The following CFAP263 variants were observed in gnomAD, a reference collection of about 807,000 sequenced individuals.
The protein encoded by CFAP263 is cilia and flagella associated protein 263, also known as cilia- and flagella-associated protein 263.
the CFAP263 span, chr16:58,252,737 T>C: frequency 6.2e-7 from 1 of 1,613,554 alleles, no homozygotes; most frequent in Non-Finnish European, 8.5e-7. Context: ...CTATGTAAAC[T>C]CTGCTCTCAA....
chr16:58,281,423 T>C, the CFAP263 span: 1 of 152,384 alleles, frequency 6.6e-6, no homozygotes, highest in Admixed American at 6.5e-5. Flanking sequence ...AAACACTCAA[T>C]AGAATATTAG....
At chr16:58,261,941 G>C in the CFAP263 span, among the ~76,000 whole-genome samples, 1 of 152,282 alleles carries the variant, frequency 6.6e-6, no homozygotes, top group African/African-American at 2.4e-5. Flanking sequence ...GGTTTTTCAT[G>C]TTAAAAACAA....
chr16:58,280,485 A>C, the CFAP263 span: 1 of 1,614,210 alleles, frequency 6.2e-7, no homozygotes, highest in Non-Finnish European at 8.5e-7. Flanking sequence ...AGTATGATCC[A>C]ACATGGCCCA....
the CFAP263 span, chr16:58,280,291 C>T: frequency 3.9e-4 from 629 of 1,614,082 alleles, 3 homozygotes; most frequent in African/African-American, 7.2e-3. Context: ...CTGATACAAC[C>T]TGTTCTGACC....
the CFAP263 span, among the ~76,000 whole-genome samples, chr16:58,256,733 C>T: frequency 5.3e-5 from 8 of 151,928 alleles, no homozygotes; most frequent in South Asian, 6.2e-4. Flanking sequence ...AGCCTGAGGC[C>T]GGCCAGTGAA....
chr16:58,258,294 C>T, the CFAP263 span: 7 of 1,405,592 alleles, frequency 5.0e-6, no homozygotes, highest in Non-Finnish European at 6.9e-6. Flanking sequence ...GGCCTGGGAA[C>T]TTAGGTTTTC....
At chr16:58,259,825 A>G in the CFAP263 span, 1 of 1,362,778 alleles carries the variant, frequency 7.3e-7, no homozygotes, top group South Asian at 1.2e-5. Flanking sequence ...AATGGATTAA[A>G]TGCATTAAAA....
the CFAP263 span, among the ~76,000 whole-genome samples, chr16:58,270,833 T>C: frequency 4.6e-5 from 7 of 152,190 alleles, no homozygotes; most frequent in African/African-American, 1.4e-4. Context: ...AGAAAGGAGA[T>C]GAAATATGTT....
the CFAP263 span, among the ~76,000 whole-genome samples, chr16:58,273,372 G>A: frequency 6.6e-6 from 1 of 151,196 alleles, no homozygotes; most frequent in South Asian, 2.1e-4. Flanking sequence ...AATTTTTCTT[G>A]GTTCTCTTTT....
the CFAP263 span, among the ~76,000 whole-genome samples, chr16:58,279,076 C>T: frequency 2.0e-5 from 3 of 152,030 alleles, no homozygotes; most frequent in East Asian, 1.9e-4. Flanking sequence ...TGCTTTTGAA[C>T]GAATCCCGCA....
the CFAP263 span, among the ~76,000 whole-genome samples, chr16:58,252,364 G>GTA: frequency 2.0e-5 from 3 of 150,966 alleles, no homozygotes; most frequent in Non-Finnish European, 4.4e-5. Context: ...ATATATATAT[G>GTA]TATATATATA....
At chr16:58,258,501 T>C in the CFAP263 span, 13 of 1,614,082 alleles carry the variant, frequency 8.1e-6, no homozygotes, top group South Asian at 9.9e-5. Context: ...ATGAAATACA[T>C]TGAGGACATG....
the CFAP263 span, among the ~76,000 whole-genome samples, chr16:58,254,826 C>T: frequency 3.3e-5 from 5 of 152,018 alleles, no homozygotes; most frequent in East Asian, 9.7e-4. Flanking sequence ...CCAATGGTCT[C>T]GATCTCCTGA....
the CFAP263 span, among the ~76,000 whole-genome samples, chr16:58,269,329 T>TCAAAA: frequency 4.7e-5 from 6 of 127,592 alleles, no homozygotes; most frequent in African/African-American, 1.5e-4. Flanking sequence ...AGACTCTGTC[T>TCAAAA]CAAAACAAAA....
At chr16:58,253,194 A>G in the CFAP263 span, among the ~76,000 whole-genome samples, 4 of 152,190 alleles carry the variant, frequency 2.6e-5, no homozygotes, top group Admixed American at 2.6e-4. Flanking sequence ...CCTGGGCAAT[A>G]TTGCAAGACC....
At chr16:58,279,973 T>C in the CFAP263 span, 4 of 620,462 alleles carry the variant, frequency 6.4e-6, no homozygotes, top group East Asian at 2.7e-5. Flanking sequence ...CTGTTACCAC[T>C]GAAAGAACCA....
chr16:58,260,155 C>T, the CFAP263 span, among the ~76,000 whole-genome samples: 1 of 152,126 alleles, frequency 6.6e-6, no homozygotes, highest in East Asian at 1.9e-4. Context: ...ATATAATCTC[C>T]CTCCTTATCA....
At chr16:58,269,513 A>G in the CFAP263 span, among the ~76,000 whole-genome samples, 1 of 152,324 alleles carries the variant, frequency 6.6e-6, no homozygotes, top group East Asian at 1.9e-4. Context: ...TCCAGCTCTC[A>G]GCAGCCACTA....
At chr16:58,263,932 AT>A in the CFAP263 span, among the ~76,000 whole-genome samples, 1 of 152,196 alleles carries the variant, frequency 6.6e-6, no homozygotes, top group Non-Finnish European at 1.5e-5. Context: ...GTGAGCTGAG[AT>A]CATGCCATTG....
Sources: allele counts gnomAD v4.1 joint callset (sites outside exome capture counted in the v4.1 genomes callset), GRCh38; gene constraint gnomAD v4.1.1; transcripts MANE v1.5; gene names NCBI Gene and HGNC (gene_info 2026-07-23, HGNC 2026-07-21).